The following THOC5 variants were observed in gnomAD, a reference collection of about 807,000 sequenced individuals.
The protein encoded by THOC5 is THO complex subunit 5.
THOC5 carries 43 observed loss-of-function variants against 92.9 expected under a neutral mutation model. The ratio of observed to expected loss-of-function variants is 0.46; its 90% CI spans 0.36 to 0.60. The LOEUF (loss-of-function observed/expected upper bound fraction) is 0.60. Among genes scored for constraint, THOC5 ranks in the 20% least tolerant of loss-of-function variants. The pLI is 0.00. For missense variants in THOC5, 659 were observed against 849.4 expected, an observed-to-expected ratio of 0.78 and a Z score of 2.79; for synonymous variants, 296 against 320.1, an observed-to-expected ratio of 0.92 and a Z score of 0.80.
intron 1 of THOC5, among the ~76,000 whole-genome samples, chr22:29,551,916 C>T (rs35925712): frequency 0.35 from 52,962 of 151,114 alleles, 9,377 homozygotes; most frequent in South Asian, 0.5. Flanking sequence ...CTGCCGAGTG[C>T]CTGCAATTGC....
chr22:29,514,438 T>A (rs2063293289), intron 17 of THOC5, among the ~76,000 whole-genome samples: 1 of 147,358 alleles, frequency 6.8e-6, no homozygotes, highest in African/African-American at 2.5e-5. Flanking sequence ...TGCCTCACCC[T>A]CCCGAGTAGC....
intron 12 of THOC5, among the ~76,000 whole-genome samples, chr22:29,524,794 T>A (rs935535812): frequency 6.6e-6 from 1 of 152,130 alleles, no homozygotes; most frequent in Non-Finnish European, 1.5e-5. Context: ...ACCAGCATCA[T>A]GGAGAACTGG....
chr22:29,510,540 A>G (rs2063204344), intron 19 of THOC5, among the ~76,000 whole-genome samples: 2 of 152,142 alleles, frequency 1.3e-5, no homozygotes, highest in Non-Finnish European at 2.9e-5. Context: ...CAAGACTGCA[A>G]GGCTACAGTG....
intron 17 of THOC5, chr22:29,514,000 G>A (rs1002889535): frequency 6.7e-6 from 1 of 148,160 alleles, no homozygotes; most frequent in Non-Finnish European, 1.5e-5. Flanking sequence ...ACCAAGGCTA[G>A]AGTGCAATGG....
At chr22:29,522,057 TA>T (rs1050698536) in intron 12 of THOC5, among the ~76,000 whole-genome samples, 10 of 151,774 alleles carry the variant, frequency 6.6e-5, no homozygotes, top group African/African-American at 2.4e-4. Flanking sequence ...ACCAAACAAA[TA>T]AAACATTTCA....
intron 15 of THOC5, among the ~76,000 whole-genome samples, chr22:29,518,732 G>A (rs750775914): frequency 6.6e-6 from 1 of 152,194 alleles, no homozygotes; most frequent in South Asian, 2.1e-4. Context: ...AGGATGAACT[G>A]CCCCGACCAG....
chr22:29,545,957 A>C (rs2064009141), intron 2 of THOC5, among the ~76,000 whole-genome samples: 1 of 152,234 alleles, frequency 6.6e-6, no homozygotes, highest in South Asian at 2.1e-4. Context: ...GGGGTTCTCC[A>C]TGAGCGCGCC....
rs966806587 is a variant in THOC5, at chr22:29,548,971, C to T, written c.96+81G>A. Reference sequence around the variant, plus strand: ...AAGTTGTACCTGGTAGATGCGACCCCGAGCTGCTGCAAACACACAGCCAGG... The same window carrying T: ...AAGTTGTACCTGGTAGATGCGACCCTGAGCTGCTGCAAACACACAGCCAGG... On this transcript the variant is annotated intron_variant, in intron 2 of 19. Coordinates refer to ENST00000490103, the MANE Select transcript of THOC5 (RefSeq NM_003678.5). 359 of 1,411,774 alleles carry T rather than the reference C, an allele frequency of 2.5e-4. 1 individual carries two copies. The highest frequency in any genetic ancestry group is 6.6e-4 in the African/African-American group (46 of 70,134). The allele number at this position is 1,411,774 out of a possible 1,614,324, so 87.5% of individuals were successfully genotyped here.
chr22:29,542,803 GA>G, intron 5 of THOC5, 55 bp downstream of exon 5: 8 of 1,226,938 alleles, frequency 6.5e-6, no homozygotes, highest in Admixed American at 3.9e-5. Flanking sequence ...AGCTACATGG[GA>G]AAAAGCAGTT....
At chr22:29,528,551 C>T in intron 9 of THOC5, 85 bp from the exon 10 acceptor site, 2 of 1,365,594 alleles carry the variant, frequency 1.5e-6, no homozygotes, top group South Asian at 2.3e-5. Flanking sequence ...CATAAAGGGG[C>T]CCTGACTCTG....
intron 6 of THOC5, 32 bp downstream of exon 6, chr22:29,539,298 T>C (rs2063830307): frequency 6.2e-7 from 1 of 1,605,760 alleles, no homozygotes; most frequent in Non-Finnish European, 8.5e-7. Flanking sequence ...TGACACTTTG[T>C]GGTTAAAAGG....
intron 11 of THOC5, among the ~76,000 whole-genome samples, chr22:29,527,826 T>C (rs1319341450): frequency 1.3e-5 from 2 of 152,250 alleles, no homozygotes; most frequent in African/African-American, 2.4e-5. Context: ...TTTGACTTGC[T>C]AGATTCAGAA....
chr22:29,545,493 T>C (rs1381412493), intron 2 of THOC5, among the ~76,000 whole-genome samples: 3 of 152,156 alleles, frequency 2.0e-5, no homozygotes, highest in Non-Finnish European at 1.5e-5. Context: ...TATGAGCCTG[T>C]AAAATCAAAA....
At chr22:29,517,163 T>G (rs1347774399) in intron 16 of THOC5, 47 bp from the exon 17 acceptor site, 4 of 1,611,054 alleles carry the variant, frequency 2.5e-6, no homozygotes. Context: ...GCTCCTCTGG[T>G]TAAACCCCCT....
intron 12 of THOC5, 111 bp from the exon 13 acceptor site, chr22:29,521,210 C>A (rs2063435197): frequency 3.8e-6 from 3 of 779,336 alleles, no homozygotes; most frequent in Admixed American, 2.1e-5. Flanking sequence ...CCAATGCCAC[C>A]ATTTATTGAA....
chr22:29,525,026 A>G lies in THOC5; in HGVS notation c.1175+812T>C, dbSNP rs138594047. ...GGTGACTCATGCCTGGAATTCCAGC[A>G]CTGTGAGAGGCAGAGACGGGAGGAG... is the stretch of plus-strand genomic sequence containing the variant. On this transcript the variant is annotated intron_variant, in intron 12 of 19. Coordinates refer to ENST00000490103, the MANE Select transcript of THOC5 (RefSeq NM_003678.5). Among the ~76,000 whole-genome samples, 659 of 152,276 alleles carry G rather than the reference A, an allele frequency of 4.3e-3. 12 individuals carry two copies. In the Middle Eastern group the frequency reaches 0.044, roughly 10 times the overall value.
rs376177761 is a variant in THOC5, at chr22:29,511,203, C to T, written c.1891G>A (p.Val631Met). 45 of 1,614,128 alleles carry T rather than the reference C, an allele frequency of 2.8e-5. No homozygotes were observed. In the Middle Eastern group the frequency reaches 2.3e-3, roughly 83 times the overall value. The change falls in exon 19 of 20, where the codon GTG becomes ATG. Residue 631 changes from valine to methionine, a missense_variant. Coordinates refer to ENST00000490103, the MANE Select transcript of THOC5 (RefSeq NM_003678.5). ...GTCTCCAGGTAAACATCCAGCAGCA[C>T]ACACAGCCGCTGCAGCTGGTTGGTC... ...LLTNQLQRLC[V>M]LLDVYLETES...
At chr22:29,533,065 T>C (rs980862267) in intron 7 of THOC5, among the ~76,000 whole-genome samples, 1 of 152,222 alleles carries the variant, frequency 6.6e-6, no homozygotes, top group Non-Finnish European at 1.5e-5. Context: ...AATAAGTGGA[T>C]ACATGTGAAT....
chr22:29,547,345 A>G (rs2064044276), intron 2 of THOC5, among the ~76,000 whole-genome samples: 1 of 151,596 alleles, frequency 6.6e-6, no homozygotes, highest in South Asian at 2.1e-4. Context: ...GCTGGACCTT[A>G]TTGTTCATAT....
Sources: allele counts gnomAD v4.1 joint callset (sites outside exome capture counted in the v4.1 genomes callset), GRCh38; gene constraint gnomAD v4.1.1; transcripts MANE v1.5; gene names NCBI Gene and HGNC (gene_info 2026-07-23, HGNC 2026-07-21).